Variants in HIVEP3 observed in about 807,000 individuals in gnomAD.
HIVEP3 encodes the protein transcription factor HIVEP3.
In HIVEP3, 49 loss-of-function variants were observed where a neutral mutation model predicts 152.8. The ratio of observed to expected loss-of-function variants is 0.32; its 90% CI spans 0.26 to 0.41. The LOEUF (loss-of-function observed/expected upper bound fraction) is 0.41, where lower values mean the gene tolerates loss of function less well. Among genes scored for constraint, HIVEP3 ranks in the 10% least tolerant of loss-of-function variants. The pLI, the probability that HIVEP3 is intolerant of heterozygous loss-of-function variation, is 1.00. For synonymous variants in HIVEP3, 1,269 were observed against 1,289.0 expected, an observed-to-expected ratio of 0.98 and a Z score of 0.33; for missense variants, 2,790 against 3,103.3, an observed-to-expected ratio of 0.90 and a Z score of 2.40.
intron 5 of HIVEP3, among the ~76,000 whole-genome samples, chr1:41,549,102 CTA>C (rs1643869048): frequency 6.6e-6 from 1 of 151,850 alleles, no homozygotes; most frequent in Non-Finnish European, 1.5e-5. Flanking sequence ...CAATTCCCAC[CTA>C]TGAGTGAGAA....
At chr1:41,560,337 A>G (rs1010047467) in intron 5 of HIVEP3, among the ~76,000 whole-genome samples, 1 of 152,168 alleles carries the variant, frequency 6.6e-6, no homozygotes, top group Non-Finnish European at 1.5e-5. Flanking sequence ...CTAGTGCTAA[A>G]CTGGGACACA....
intron 1 of HIVEP3, among the ~76,000 whole-genome samples, chr1:42,033,283 A>G (rs546083301): frequency 6.6e-6 from 1 of 152,230 alleles, no homozygotes; most frequent in South Asian, 2.1e-4. Context: ...GGTCCTGCAC[A>G]TGGTTACCCC....
At chr1:41,764,121 C>T (rs1034523858) in intron 1 of HIVEP3, among the ~76,000 whole-genome samples, 4 of 151,818 alleles carry the variant, frequency 2.6e-5, no homozygotes, top group African/African-American at 9.7e-5. Flanking sequence ...GGGTTGGGGA[C>T]AAATGATAGA....
At chr1:41,806,883 C>T (rs541620822) in intron 1 of HIVEP3, among the ~76,000 whole-genome samples, 83 of 152,200 alleles carry the variant, frequency 5.5e-4, no homozygotes, top group Non-Finnish European at 9.9e-4. Flanking sequence ...GTATGATGTG[C>T]TCGCCACCCC....
rs144663436 is a variant in HIVEP3 at position 41,583,100 on chromosome 1, A to T, written c.1698T>A (p.His566Gln). The T allele has an allele frequency of 6.2e-7, 1 of 1,613,116 alleles. No homozygotes were observed. Among genetic ancestry groups the T allele is most frequent in the Non-Finnish European group, 8.5e-7 (1 of 1,179,750 alleles). ...GGCTCAGGGCTTCGGAGTCGGTGAT[A>T]TGGTCATCGAAGGAGTAGCTACCTC... ...PFRGSYSFDD[H>Q]ITDSEALSHS... Residue 566 changes from histidine (H) to glutamine (Q), a missense_variant, in exon 4 of 9, where the codon CAT becomes CAA. His to Gln is a conservative substitution (Grantham distance 24). This residue lies in a region of HIVEP3 where 339 missense variants were observed against 327.0 expected (regional missense o/e 1.04). Transcript: ENST00000372583. The surrounding 1 kb of genome is among the most constrained non-coding windows in gnomAD (Gnocchi z 6.9).
intron 2 of HIVEP3, among the ~76,000 whole-genome samples, chr1:41,648,373 A>G (rs1298785755): frequency 6.6e-6 from 1 of 152,164 alleles, no homozygotes; most frequent in Admixed American, 6.5e-5. Context: ...CATCACCACC[A>G]TCTTACAGAG....
At chr1:41,814,808 T>C (rs149127696) in intron 1 of HIVEP3, among the ~76,000 whole-genome samples, 313 of 152,354 alleles carry the variant, frequency 2.1e-3, no homozygotes, top group African/African-American at 7.1e-3. Flanking sequence ...AATGGAGAGT[T>C]GCTCCTTTAT....
intron 1 of HIVEP3, among the ~76,000 whole-genome samples, chr1:41,881,267 T>C (rs930558270): frequency 6.6e-6 from 1 of 152,196 alleles, no homozygotes; most frequent in Non-Finnish European, 1.5e-5. Flanking sequence ...TTATGTTATA[T>C]CTTCACAACA....
rs568889301 is a variant in HIVEP3 at position 41,691,908 on chromosome 1, G to A, written c.-721+9008C>T. On this transcript the variant is annotated intron_variant, in intron 2 of 8. Transcript: ENST00000372583. ...ATTTTTTTTTTTTTTTTGAGATGGA[G>A]TCTCATTGTATCTGTAACCTCCGCC... Among the ~76,000 whole-genome samples the A allele has an allele frequency of 1.5e-4, 22 of 147,800 alleles. 1 individual carries two copies. In the South Asian group the frequency reaches 4.7e-3, roughly 32 times the overall value.
chr1:41,823,860 C>T (rs1642681917), intron 1 of HIVEP3, among the ~76,000 whole-genome samples: 1 of 152,188 alleles, frequency 6.6e-6, no homozygotes, highest in Non-Finnish European at 1.5e-5. Flanking sequence ...GGCACTAGGA[C>T]TCTAGCAGAC....
intron 1 of HIVEP3, among the ~76,000 whole-genome samples, chr1:41,740,299 C>T (rs1379949947): frequency 6.6e-6 from 1 of 152,232 alleles, no homozygotes; most frequent in African/African-American, 2.4e-5. Context: ...TATTGCAAGA[C>T]CTGCTGGAGG....
intron 1 of HIVEP3, among the ~76,000 whole-genome samples, chr1:41,979,180 A>G (rs989446393): frequency 1.3e-5 from 2 of 151,994 alleles, no homozygotes; most frequent in South Asian, 2.1e-4. Flanking sequence ...CAAGCCTCCA[A>G]ATGATTCTTA....
chr1:41,851,206 G>C (rs1197002169), intron 1 of HIVEP3, among the ~76,000 whole-genome samples: 1 of 151,246 alleles, frequency 6.6e-6, no homozygotes, highest in Non-Finnish European at 1.5e-5. Context: ...CAGTGCTTGG[G>C]ACACAGCAGA....
At chr1:41,991,310 G>C (rs1328781512) in intron 1 of HIVEP3, among the ~76,000 whole-genome samples, 1 of 151,022 alleles carries the variant, frequency 6.6e-6, no homozygotes, top group African/African-American at 2.4e-5. Flanking sequence ...AAATGATAAA[G>C]GGGATATCAC....
At chr1:41,915,396 C>T (rs1644855781) in intron 1 of HIVEP3, among the ~76,000 whole-genome samples, 1 of 152,014 alleles carries the variant, frequency 6.6e-6, no homozygotes, top group South Asian at 2.1e-4. Context: ...CTGTTTTTTA[C>T]TCTTACTTCT....
chr1:41,754,860 G>A (rs1455493889), intron 1 of HIVEP3, among the ~76,000 whole-genome samples: 1 of 152,132 alleles, frequency 6.6e-6, no homozygotes, highest in Non-Finnish European at 1.5e-5. Flanking sequence ...GATAACAGCC[G>A]GGGTTGGTGT....
chr1:41,866,084 G>C (rs1002867312), intron 1 of HIVEP3, among the ~76,000 whole-genome samples: 1 of 152,186 alleles, frequency 6.6e-6, no homozygotes, highest in African/African-American at 2.4e-5. Context: ...ATCCAGCCGA[G>C]GCCAGCTTCC....
intron 1 of HIVEP3, among the ~76,000 whole-genome samples, chr1:41,963,042 C>T (rs986496050): frequency 6.6e-5 from 10 of 152,248 alleles, no homozygotes; most frequent in African/African-American, 2.4e-4. Flanking sequence ...GACGGAGTCT[C>T]GCTCTGTCAC....
At chr1:41,685,575 C>T (rs1646102054) in intron 2 of HIVEP3, among the ~76,000 whole-genome samples, 1 of 152,240 alleles carries the variant, frequency 6.6e-6, no homozygotes, top group African/African-American at 2.4e-5. Context: ...CCATGCCCAG[C>T]TCAACTCCCC....
Sources: allele counts gnomAD v4.1 joint callset (sites outside exome capture counted in the v4.1 genomes callset), GRCh38; gene constraint gnomAD v4.1.1; regional missense constraint gnomAD v4.1.1; non-coding constraint Gnocchi (gnomAD v3.1); transcripts MANE v1.5; gene names NCBI Gene and HGNC (gene_info 2026-07-23, HGNC 2026-07-21).